Variants in SLC30A6 observed in about 807,000 individuals in gnomAD.
The protein encoded by SLC30A6 is zinc transporter 6.
A neutral mutation model predicts 63.0 loss-of-function variants in SLC30A6; 55 were observed. The ratio of observed to expected loss-of-function variants is 0.87; its 90% CI spans 0.70 to 1.09. The LOEUF (loss-of-function observed/expected upper bound fraction) is 1.09, where lower values mean the gene tolerates loss of function less well. Ranked by LOEUF, SLC30A6 falls within the 50% of genes least tolerant of loss-of-function variation. The pLI, the probability that SLC30A6 is intolerant of heterozygous loss-of-function variation, is 0.00. For missense variants in SLC30A6, 587 were observed against 549.2 expected, an observed-to-expected ratio of 1.07 and a Z score of -0.69; for synonymous variants, 224 against 186.1, an observed-to-expected ratio of 1.20 and a Z score of -1.66.
At chr2:32,209,359 C>G in intron 12 of SLC30A6, 134 bp from the exon 13 acceptor site, 1 of 631,044 alleles carries the variant, frequency 1.6e-6, no homozygotes, top group South Asian at 2.2e-5. Flanking sequence ...TCTGAGACTT[C>G]TCTTAGCTAA....
intron 4 of SLC30A6, among the ~76,000 whole-genome samples, chr2:32,182,816 C>T (rs1003260492): frequency 2.6e-5 from 4 of 152,150 alleles, no homozygotes; most frequent in African/African-American, 7.2e-5. Context: ...AGCATTTTGA[C>T]GCAGCTTAGG....
rs914391335 is a variant in SLC30A6, at chr2:32,174,155, A to G, written c.175+8A>G. On this transcript the variant is annotated splice_region_variant and intron_variant, in intron 3 of 13. Coordinates refer to ENST00000282587, the MANE Select transcript of SLC30A6 (RefSeq NM_017964.5). Reference sequence around the variant, plus strand: ...GTTCTACTAATAGTATAGGTATGTCACCTTTGTATTTTTATGGAGTTGTTA... The same window carrying G: ...GTTCTACTAATAGTATAGGTATGTCGCCTTTGTATTTTTATGGAGTTGTTA... 1.9e-6 allele frequency: 3 copies of G among 1,598,616 alleles called. No homozygotes were observed. Among genetic ancestry groups the G allele is most frequent in the East Asian group, 2.2e-5 (1 of 44,680 alleles).
At chr2:32,197,930 A>G (rs1683945718) in intron 10 of SLC30A6, 104 bp downstream of exon 10, 1 of 1,368,944 alleles carries the variant, frequency 7.3e-7, no homozygotes, top group Non-Finnish European at 1.0e-6. Context: ...AGTTTCGCTT[A>G]TGTCCTGTGT....
chr2:32,224,278 ATG>A lies in SLC30A6; in HGVS notation c.*3566_*3567del. Reference sequence around the variant, plus strand: ...CAGACCAAAGGTAACACAAAGATGAATGAGAATTCCTTCAAGGCGCCGATAAT... The same window carrying A: ...CAGACCAAAGGTAACACAAAGATGAAAGAATTCCTTCAAGGCGCCGATAAT... On this transcript the variant is annotated 3_prime_UTR_variant, in exon 14 of 14. Transcript: ENST00000282587. The A allele has an allele frequency of 1.9e-6, 1 of 516,804 alleles. No homozygotes were observed. The allele number at this position is 516,804 out of a possible 1,614,324, so 32.0% of individuals were successfully genotyped here.
intron 4 of SLC30A6, among the ~76,000 whole-genome samples, chr2:32,176,919 T>A (rs986954445): frequency 6.6e-6 from 1 of 151,826 alleles, no homozygotes; most frequent in Admixed American, 6.6e-5. Flanking sequence ...AATACAGACA[T>A]GCACCACCAC....
intron 8 of SLC30A6, among the ~76,000 whole-genome samples, chr2:32,196,311 A>T (rs1223310266): frequency 6.6e-6 from 1 of 152,064 alleles, no homozygotes; most frequent in Non-Finnish European, 1.5e-5. Context: ...GTGAAACTCC[A>T]TCTCAAAACA....
intron 3 of SLC30A6, among the ~76,000 whole-genome samples, chr2:32,174,764 G>A (rs2148808603): frequency 6.7e-6 from 1 of 149,992 alleles, no homozygotes; most frequent in East Asian, 2.0e-4. Context: ...ATGTTGGCCA[G>A]GATGGTCTCG....
chr2:32,194,834 T>C (rs212752), intron 8 of SLC30A6, among the ~76,000 whole-genome samples: 86,238 of 151,974 alleles, frequency 0.57, 24,782 homozygotes, highest in African/African-American at 0.64. Context: ...TTAAGATCAC[T>C]AGAATTTCTT....
At chr2:32,189,007 A>C (rs1683084086) in intron 5 of SLC30A6, among the ~76,000 whole-genome samples, 2 of 152,206 alleles carry the variant, frequency 1.3e-5, no homozygotes, top group Non-Finnish European at 2.9e-5. Context: ...CAAATTGCTT[A>C]ATTGTTAAGG....
At chr2:32,168,335 T>C (rs1302823521) in intron 1 of SLC30A6, among the ~76,000 whole-genome samples, 1 of 151,070 alleles carries the variant, frequency 6.6e-6, no homozygotes, top group Non-Finnish European at 1.5e-5. Context: ...TTTTTTAAAA[T>C]AAATATTTTA....
intron 9 of SLC30A6, 132 bp downstream of exon 9, chr2:32,197,524 C>G (rs1366218269): frequency 5.7e-6 from 7 of 1,237,656 alleles, no homozygotes; most frequent in Admixed American, 2.2e-5. Flanking sequence ...GTTATTCTCC[C>G]TTTACTTTTT....
intron 11 of SLC30A6, among the ~76,000 whole-genome samples, chr2:32,205,697 C>G (rs1005093512): frequency 1.8e-5 from 2 of 110,574 alleles, no homozygotes; most frequent in Non-Finnish European, 3.4e-5. Flanking sequence ...GACAGAGTCT[C>G]TCTCTCTTGA....
At position 32,220,414 on chromosome 2, in the gene SLC30A6, C is replaced by G; in HGVS notation, c.1087C>G (p.Leu363Val). 1 of 1,614,218 alleles carries G rather than the reference C, an allele frequency of 6.2e-7. No individual in the cohort carries two copies. The highest frequency in any genetic ancestry group is 8.5e-7 in the Non-Finnish European group (1 of 1,180,038). ...FSDHHVIPMP[L>V]LKGTDDLNPV... ...AGATCATCACGTAATCCCAATGCCT[C>G]TTTTAAAGGGTACTGATGATTTGAA... The change falls in exon 14 of 14, where the codon CTT (leucine) becomes GTT (valine). Residue 363 changes from leucine (L) to valine (V), a missense_variant. Coordinates refer to ENST00000282587, the MANE Select transcript of SLC30A6 (RefSeq NM_017964.5).
chr2:32,204,480 TGTCCTGTTGCTCA>T (rs1040688014), intron 10 of SLC30A6, 97 bp from the exon 11 acceptor site: 98 of 524,136 alleles, frequency 1.9e-4, no homozygotes, highest in Non-Finnish European at 2.7e-4. Flanking sequence ...GATAAAATTG[TGTCCTGTTGCTCA>T]GTCCTGTTGC....
In SLC30A6 at chr2:32,209,514, T is replaced by C. The variant is rs1685070009; in HGVS notation, c.838T>C (p.Leu280=). Residue 280 remains leucine, a synonymous_variant, in exon 13 of 14, where the codon TTA becomes CTA. Coordinates refer to ENST00000282587, the MANE Select transcript of SLC30A6 (RefSeq NM_017964.5). The part of the protein sequence containing the change: ...IREVSTLDGV[L]EVRNEHFWTL... ...GTAGGTATCTACCTTAGATGGAGTT[T>C]TAGAAGTCCGAAATGAACATTTTTG... 5 of 1,613,020 alleles carry C rather than the reference T, an allele frequency of 3.1e-6. No homozygotes were observed. The highest frequency in any genetic ancestry group is 1.7e-5 in the Admixed American group (1 of 59,762).
intron 4 of SLC30A6, among the ~76,000 whole-genome samples, chr2:32,178,187 T>G (rs1252908542): frequency 1.3e-5 from 2 of 151,380 alleles, no homozygotes; most frequent in African/African-American, 4.9e-5. Flanking sequence ...GACCTTGTGA[T>G]CCGCCCGCCT....
At chr2:32,213,796 C>CTTT (rs767073182) in intron 13 of SLC30A6, among the ~76,000 whole-genome samples, 2,818 of 106,472 alleles carry the variant, frequency 0.026, 232 homozygotes, top group African/African-American at 0.03. Flanking sequence ...CTAGGATAAA[C>CTTT]TTTTTTTTTT....
intron 5 of SLC30A6, among the ~76,000 whole-genome samples, chr2:32,185,887 GTTTTTTT>G (rs1016415372): frequency 7.3e-6 from 1 of 136,676 alleles, no homozygotes; most frequent in Admixed American, 7.4e-5. Context: ...GCCTGGCTCA[GTTTTTTT>G]TTTTTTTTGT....
At chr2:32,218,090 C>T (rs1436896671) in intron 13 of SLC30A6, among the ~76,000 whole-genome samples, 3 of 151,844 alleles carry the variant, frequency 2.0e-5, no homozygotes, top group Admixed American at 2.0e-4. Flanking sequence ...TTTGTGTTAA[C>T]CAAAATAGGA....
Sources: gnomAD v4.1 joint callset for allele counts (sites outside exome capture counted in the v4.1 genomes callset) on GRCh38, gnomAD v4.1.1 for gene constraint, MANE v1.5 for transcripts, NCBI Gene and HGNC (gene_info 2026-07-23, HGNC 2026-07-21) for gene names.